The following CCNY variants were observed in gnomAD, a reference collection of about 807,000 sequenced individuals.
CCNY encodes cyclin-Y.
In CCNY, 19 loss-of-function variants were observed where a neutral mutation model predicts 42.8. The ratio of observed to expected loss-of-function variants is 0.44; its 90% confidence interval spans 0.31 to 0.65. CCNY has a LOEUF of 0.65. CCNY is among the 30% of genes least tolerant of loss of function. The pLI, the probability that CCNY is intolerant of heterozygous loss-of-function variation, is 0.07. For missense variants in CCNY, 370 were observed against 437.3 expected (o/e 0.85, Z 1.37); for synonymous variants, 165 against 162.7 (o/e 1.01, Z -0.11).
intron 1 of CCNY, among the ~76,000 whole-genome samples, chr10:35,478,529 G>T (rs952603441): frequency 1.6e-4 from 25 of 152,166 alleles, no homozygotes; most frequent in African/African-American, 6.0e-4. Flanking sequence ...AGAAAAACCA[G>T]CTATGGGGAA....
chr10:35,521,508 C>G (rs1174666872), intron 4 of CCNY, among the ~76,000 whole-genome samples: 1 of 152,172 alleles, frequency 6.6e-6, no homozygotes, highest in Non-Finnish European at 1.5e-5. Flanking sequence ...AGGCACTTGT[C>G]TGGTAGGGTA....
At chr10:35,423,551 G>C (rs1197528800) in intron 1 of CCNY, among the ~76,000 whole-genome samples, 1 of 150,132 alleles carries the variant, frequency 6.7e-6, no homozygotes, top group Admixed American at 6.6e-5. Context: ...GAGGGTGTTT[G>C]TTGTAAGCAG....
At chr10:35,355,855 CA>C (rs1836537754) in intron 1 of CCNY, among the ~76,000 whole-genome samples, 1 of 151,684 alleles carries the variant, frequency 6.6e-6, no homozygotes, top group Admixed American at 6.6e-5. Flanking sequence ...CCAGGTTTAA[CA>C]ACTTTTTAAA....
intron 1 of CCNY, among the ~76,000 whole-genome samples, chr10:35,422,810 C>G (rs556261692): frequency 1.3e-5 from 2 of 152,208 alleles, no homozygotes; most frequent in African/African-American, 2.4e-5. Flanking sequence ...GTCTGTTTAT[C>G]CTTCATGATT....
rs551291487 is a variant in CCNY at position 35,387,226 on chromosome 10, T to C, written c.154+50019T>C. Among the ~76,000 whole-genome samples the C allele has an allele frequency of 2.0e-5, 3 of 152,142 alleles. 1 individual carries two copies. The South Asian group carries it at 6.2e-4, about 31-fold the overall frequency. ...AACACCAAAACTTATGATTGATTGC[T>C]TTAAAAAAGTTACTGCCAGTGAGAT... On this transcript the variant is annotated intron_variant, in intron 1 of 9. Transcript: ENST00000374704.
intron 1 of CCNY, among the ~76,000 whole-genome samples, chr10:35,346,057 T>A (rs1481479529): frequency 6.6e-6 from 1 of 152,214 alleles, no homozygotes; most frequent in Non-Finnish European, 1.5e-5. Flanking sequence ...CTTGCTTGCT[T>A]ATTTATTTAT....
intron 3 of CCNY, among the ~76,000 whole-genome samples, chr10:35,328,401 T>C (rs1190258096): frequency 6.6e-6 from 1 of 152,218 alleles, no homozygotes; most frequent in Non-Finnish European, 1.5e-5. Flanking sequence ...ACACTTCTTT[T>C]TATCATTCAT....
chr10:35,454,436 G>A (rs113110664), intron 1 of CCNY, among the ~76,000 whole-genome samples: 1,576 of 152,344 alleles, frequency 0.01, 24 homozygotes, highest in African/African-American at 0.036. Flanking sequence ...CTGTGGCACA[G>A]GCAGAAGTCA....
At chr10:35,416,428 G>A (rs946743209) in intron 1 of CCNY, among the ~76,000 whole-genome samples, 2 of 152,030 alleles carry the variant, frequency 1.3e-5, no homozygotes, top group East Asian at 1.9e-4. Context: ...GTGGGACACC[G>A]TCTTCTAAAA....
chr10:35,355,669 T>C, intron 1 of CCNY, among the ~76,000 whole-genome samples: 2 of 76,818 alleles, frequency 2.6e-5, no homozygotes, highest in African/African-American at 5.4e-5. Context: ...CAGAGCAAGA[T>C]ACTGTCTCCA....
At chr10:35,278,352 G>A (rs1172668101) in intron 3 of CCNY, among the ~76,000 whole-genome samples, 1 of 151,986 alleles carries the variant, frequency 6.6e-6, no homozygotes, top group Non-Finnish European at 1.5e-5. Context: ...GAGGAACCAA[G>A]GCCACTCCAG....
intron 2 of CCNY, among the ~76,000 whole-genome samples, chr10:35,499,261 A>G (rs1840063202): frequency 2.0e-5 from 3 of 152,216 alleles, no homozygotes; most frequent in Non-Finnish European, 4.4e-5. Flanking sequence ...CGTCACAGTC[A>G]TGGTGGAAGG....
intron 1 of CCNY, chr10:35,434,111 A>T (rs1235893125): frequency 6.6e-6 from 1 of 152,224 alleles, no homozygotes; most frequent in Non-Finnish European, 1.5e-5. Context: ...TATTCTCTTT[A>T]GGGTATTAAA....
intron 1 of CCNY, among the ~76,000 whole-genome samples, chr10:35,475,395 C>T (rs1487711058): frequency 9.2e-5 from 14 of 152,004 alleles, no homozygotes; most frequent in Admixed American, 3.9e-4. Flanking sequence ...AGAGAAAGGT[C>T]GGGTTACCCT....
At chr10:35,251,259 T>C (rs1001274421) in intron 3 of CCNY, among the ~76,000 whole-genome samples, 2 of 152,178 alleles carry the variant, frequency 1.3e-5, no homozygotes, top group Non-Finnish European at 2.9e-5. Flanking sequence ...CTATTTTAAA[T>C]ATAATGTTAC....
At chr10:35,338,375 G>C (rs1836099330) in intron 1 of CCNY, among the ~76,000 whole-genome samples, 1 of 152,226 alleles carries the variant, frequency 6.6e-6, no homozygotes, top group Non-Finnish European at 1.5e-5. Context: ...TATAAAGGGA[G>C]TAACACAACG....
chr10:35,548,161 G>T (rs1403278395), intron 7 of CCNY, among the ~76,000 whole-genome samples: 1 of 151,542 alleles, frequency 6.6e-6, no homozygotes, highest in East Asian at 1.9e-4. Context: ...ATAAACATTT[G>T]ATTATTATTT....
upstream of CCNY, among the ~76,000 whole-genome samples, chr10:35,335,625 G>A (rs942076624): frequency 6.6e-6 from 1 of 152,070 alleles, no homozygotes; most frequent in Admixed American, 6.6e-5. Context: ...AGTCCAGACG[G>A]GAGGATTCCT....
intron 3 of CCNY, among the ~76,000 whole-genome samples, chr10:35,267,631 G>A (rs2095726963): frequency 6.6e-6 from 1 of 152,184 alleles, no homozygotes; most frequent in African/African-American, 2.4e-5. Flanking sequence ...GGAAGACGAT[G>A]GGGCCCTGGT....
Sources: gnomAD v4.1 joint callset for allele counts (sites outside exome capture counted in the v4.1 genomes callset) on GRCh38, gnomAD v4.1.1 for gene constraint, MANE v1.5 for transcripts, NCBI Gene and HGNC (gene_info 2026-07-23, HGNC 2026-07-21) for gene names.